Variants in CBFA2T2 observed in about 807,000 individuals in gnomAD.
CBFA2T2 encodes the protein CBFA2/RUNX1 partner transcriptional co-repressor 2.
In CBFA2T2, 11 loss-of-function variants were observed where a neutral mutation model predicts 62.2. The observed-to-expected ratio is 0.18, with a 90% confidence interval of 0.11 to 0.29. The LOEUF is 0.29. CBFA2T2 is among the 10% of genes least tolerant of loss of function. CBFA2T2 has a pLI of 1.00. For synonymous variants in CBFA2T2, 295 were observed against 287.5 expected (o/e 1.03, Z -0.27); for missense variants, 592 against 774.1 (o/e 0.76, Z 2.79).
At chr20:33,574,145 G>T in intron 1 of CBFA2T2, 1 of 1,603,088 alleles carries the variant, frequency 6.2e-7, no homozygotes, top group South Asian at 1.1e-5. Flanking sequence ...GCACAATCCT[G>T]ACTGTACCTG....
At chr20:33,523,743 C>T (rs1054215181) in intron 1 of CBFA2T2, among the ~76,000 whole-genome samples, 2 of 152,218 alleles carry the variant, frequency 1.3e-5, no homozygotes, top group East Asian at 3.9e-4. Flanking sequence ...GGCTGGAGTG[C>T]AGTGGCATGA....
At position 33,494,527 on chromosome 20, in the gene CBFA2T2, C is replaced by T. The variant is rs1343355360; in HGVS notation, c.34+4226C>T. ...CGATCTGCTGACCTCGTGATCCGCC[C>T]GCCTCGGCCTCCCAAAGTGCTGGGA... On this transcript the variant is annotated intron_variant, in intron 1 of 10. Transcript: ENST00000342704. Among the ~76,000 whole-genome samples the T allele has an allele frequency of 1.1e-4, 17 of 151,372 alleles. 1 individual carries two copies. Among genetic ancestry groups the T allele is most frequent in the Non-Finnish European group, 2.2e-4 (15 of 67,834 alleles).
rs185937022 is a variant in CBFA2T2 at position 33,492,332 on chromosome 20, T to G, written c.34+2031T>G. Among the ~76,000 whole-genome samples the G allele has an allele frequency of 2.2e-4, 33 of 151,818 alleles. 1 individual carries two copies. Among genetic ancestry groups the G allele is most frequent in the African/African-American group, 7.7e-4 (32 of 41,502 alleles). ...CCAAGCCTGACCAGAAAGGACTTTT[T>G]ATTTGAAAAAATTGGGGGGCTCTTC... On this transcript the variant is annotated intron_variant, in intron 1 of 10. Transcript: ENST00000342704.
At chr20:33,615,459 C>G (rs1414508690) in intron 3 of CBFA2T2, among the ~76,000 whole-genome samples, 1 of 152,056 alleles carries the variant, frequency 6.6e-6, no homozygotes, top group African/African-American at 2.4e-5. Flanking sequence ...GTACCCCCTC[C>G]CCCATTGAAG....
rs749934454 is a variant in CBFA2T2 at position 33,611,110 on chromosome 20, C to A, written c.195C>A (p.Asn65Lys). Residue 65 changes from asparagine to lysine, a missense_variant, in exon 3 of 11, where the codon AAC becomes AAA. Asn to Lys is a moderately conservative substitution (Grantham distance 94). Around this residue, in one of 3 missense-constraint regions of CBFA2T2, gnomAD observed 449 missense variants for 551.2 expected, o/e 0.81. Transcript: ENST00000342704. ...FTPTALSNGI[N>K]HSPPTLNGAP... is the part of the protein sequence containing the mutation. ...TTCTTTTAGTAAGCAATGGCATCAACCATTCTCCTCCTACCCTGAATGGTG... is the reference window on the plus strand; with the variant it reads ...TTCTTTTAGTAAGCAATGGCATCAAACATTCTCCTCCTACCCTGAATGGTG... 2.7e-5 allele frequency: 44 copies of A among 1,614,076 alleles called. No homozygotes were observed. The highest frequency in any genetic ancestry group is 3.6e-5 in the Non-Finnish European group (42 of 1,180,024).
intron 1 of CBFA2T2, among the ~76,000 whole-genome samples, chr20:33,538,492 T>G (rs1314770628): frequency 6.6e-6 from 1 of 152,102 alleles, no homozygotes; most frequent in Non-Finnish European, 1.5e-5. Context: ...CTGCCTCAGC[T>G]TCCTGAGTAG....
intron 1 of CBFA2T2, among the ~76,000 whole-genome samples, chr20:33,576,264 C>CTT (rs1244698620): frequency 6.6e-6 from 1 of 152,110 alleles, no homozygotes; most frequent in East Asian, 1.9e-4. Flanking sequence ...GTTTTATAGG[C>CTT]TTTCTGCCTC....
chr20:33,528,081 G>C (rs1455937686), intron 1 of CBFA2T2, among the ~76,000 whole-genome samples: 1 of 152,008 alleles, frequency 6.6e-6, no homozygotes, highest in Non-Finnish European at 1.5e-5. Context: ...CATTGTCCAG[G>C]CTGGTCTCAA....
intron 1 of CBFA2T2, among the ~76,000 whole-genome samples, chr20:33,560,887 CT>C (rs928112771): frequency 1.1e-4 from 17 of 151,252 alleles, no homozygotes; most frequent in African/African-American, 3.9e-4. Context: ...TTTGCTTTTG[CT>C]TTTTTTTTGA....
At chr20:33,563,989 G>A (rs1255349193) in intron 1 of CBFA2T2, among the ~76,000 whole-genome samples, 1 of 152,134 alleles carries the variant, frequency 6.6e-6, no homozygotes, top group Non-Finnish European at 1.5e-5. Flanking sequence ...GTGAGGTACT[G>A]AATTGTACTG....
At chr20:33,618,618 T>G (rs1172939834) in intron 3 of CBFA2T2, 1 of 152,240 alleles carries the variant, frequency 6.6e-6, no homozygotes, top group African/African-American at 2.4e-5. Flanking sequence ...GCAACTATTC[T>G]TTTTTCTTTT....
At chr20:33,601,571 C>CT (rs1353623413) in intron 1 of CBFA2T2, among the ~76,000 whole-genome samples, 5 of 152,040 alleles carry the variant, frequency 3.3e-5, no homozygotes, top group African/African-American at 4.8e-5. Context: ...AGCCTGGAGT[C>CT]TGATTTTTTT....
intron 1 of CBFA2T2, among the ~76,000 whole-genome samples, chr20:33,516,953 T>C (rs979341318): frequency 1.3e-5 from 2 of 152,234 alleles, no homozygotes; most frequent in Non-Finnish European, 2.9e-5. Flanking sequence ...ACATTCGATA[T>C]TGATTTGCTC....
At chr20:33,642,826 T>G (rs1601125009) in intron 10 of CBFA2T2, among the ~76,000 whole-genome samples, 1 of 152,318 alleles carries the variant, frequency 6.6e-6, no homozygotes, top group East Asian at 1.9e-4. Context: ...AGCTTTTGGC[T>G]TAGAGCATAG....
intron 1 of CBFA2T2, among the ~76,000 whole-genome samples, chr20:33,568,556 C>T (rs1305722827): frequency 6.6e-6 from 1 of 152,178 alleles, no homozygotes; most frequent in Non-Finnish European, 1.5e-5. Flanking sequence ...CTGCTGCCGG[C>T]GGGCGCGTGC....
At chr20:33,592,727 C>A (rs2014715644) in intron 1 of CBFA2T2, among the ~76,000 whole-genome samples, 1 of 151,930 alleles carries the variant, frequency 6.6e-6, no homozygotes, top group Non-Finnish European at 1.5e-5. Context: ...CATTACTTGA[C>A]ACTAGGGAGA....
Position 33,645,602 on chromosome 20 carries a change from C to G in CBFA2T2, c.*956C>G, listed in dbSNP as rs952596115. On this transcript the variant is annotated 3_prime_UTR_variant, in exon 11 of 11. Coordinates refer to ENST00000342704, the MANE Select transcript of CBFA2T2 (RefSeq NM_001032999.3). ...ACATCTGGAACGCTGTGGGCATCTTCTGCCCATGGGCTCCATTTGGCACCT... is the reference window on the plus strand; with the variant it reads ...ACATCTGGAACGCTGTGGGCATCTTGTGCCCATGGGCTCCATTTGGCACCT... 1.3e-5 allele frequency: 2 copies of G among 152,242 alleles called. No individual in the cohort carries two copies. The highest frequency in any genetic ancestry group is 4.8e-5 in the African/African-American group (2 of 41,446). 9.4% of individuals were successfully genotyped at this position (152,242 alleles called of 1,614,324 possible). A position where few individuals can be genotyped will look rare whatever the true frequency, so the allele number is the denominator to read the frequency against.
At chr20:33,559,193 T>TTTTTTC (rs1555835221) in intron 1 of CBFA2T2, among the ~76,000 whole-genome samples, 14 of 143,996 alleles carry the variant, frequency 9.7e-5, no homozygotes, top group African/African-American at 3.0e-4. Flanking sequence ...TTTTTTTTTT[T>TTTTTTC]CTGAGATGGA....
chr20:33,578,981 A>G (rs559906650), intron 1 of CBFA2T2, among the ~76,000 whole-genome samples: 7 of 152,278 alleles, frequency 4.6e-5, no homozygotes, highest in South Asian at 2.1e-4. Flanking sequence ...TGTAGGATCT[A>G]TTCTTAGAGG....
Sources: gnomAD v4.1 joint callset for allele counts (sites outside exome capture counted in the v4.1 genomes callset) on GRCh38, gnomAD v4.1.1 for gene constraint, gnomAD v4.1.1 regional missense constraint, MANE v1.5 for transcripts, NCBI Gene and HGNC (gene_info 2026-07-23, HGNC 2026-07-21) for gene names.